The following VPS26A variants were observed in gnomAD, a reference collection of about 807,000 sequenced individuals.
The protein encoded by VPS26A is VPS26 retromer complex component A.
VPS26A carries 22 observed loss-of-function variants against 42.4 expected under a neutral mutation model. The observed-to-expected ratio is 0.52, with a 90% CI of 0.37 to 0.74. The LOEUF (loss-of-function observed/expected upper bound fraction) is 0.74. Among genes scored for constraint, VPS26A ranks in the 30% least tolerant of loss-of-function variants. The probability of loss-of-function intolerance (pLI) is 0.00; values close to 1 mark genes in which losing one functional copy is unlikely to be tolerated. For missense variants in VPS26A, 276 were observed against 379.2 expected (o/e 0.73, Z 2.26); for synonymous variants, 110 against 123.5 (o/e 0.89, Z 0.73).
chr10:69,151,149 C>T (rs11815551), intron 2 of VPS26A, among the ~76,000 whole-genome samples: 6,238 of 151,298 alleles, frequency 0.041, 455 homozygotes, highest in African/African-American at 0.14. Context: ...CTTGTAGTCC[C>T]AGCTACTCGG....
intron 2 of VPS26A, among the ~76,000 whole-genome samples, chr10:69,143,248 C>G (rs12248232): frequency 0.042 from 6,347 of 152,250 alleles, 467 homozygotes; most frequent in African/African-American, 0.14. Flanking sequence ...CTTAACTTTA[C>G]CGCTGTCTTG....
At chr10:69,155,569 G>A (rs1564682765) in intron 2 of VPS26A, among the ~76,000 whole-genome samples, 1 of 152,132 alleles carries the variant, frequency 6.6e-6, no homozygotes, top group Non-Finnish European at 1.5e-5. Context: ...ACCTATTAAG[G>A]ATTCCTTCTT....
rs1006441217 is a variant in VPS26A, at chr10:69,171,499, GCTGC to G, written c.*233_*236del. On this transcript the variant is annotated 3_prime_UTR_variant, in exon 9 of 9. Transcript: ENST00000263559. ...CTTTGAAACACTGGAACTTTGTTAAGCTGCCTTTTTTTTTTTAACTTCCTACTTT... is the reference window on the plus strand; with the variant it reads ...CTTTGAAACACTGGAACTTTGTTAAGCTTTTTTTTTTTAACTTCCTACTTT... 1.0e-4 allele frequency: 37 copies of G among 354,790 alleles called. No homozygotes were observed. Among genetic ancestry groups the G allele is most frequent in the Non-Finnish European group, 1.8e-4 (35 of 199,872 alleles). 22.0% of individuals were successfully genotyped at this position (354,790 alleles called of 1,614,324 possible). A position where few individuals can be genotyped will look rare whatever the true frequency, so the allele number is the denominator to read the frequency against.
intron 1 of VPS26A, among the ~76,000 whole-genome samples, chr10:69,129,393 T>G (rs1221367631): frequency 6.6e-6 from 1 of 152,168 alleles, no homozygotes; most frequent in African/African-American, 2.4e-5. Context: ...CACCTAGGAA[T>G]GGACAGTGTG....
intron 2 of VPS26A, among the ~76,000 whole-genome samples, chr10:69,151,269 A>AAAAAAAAAAAAAAAAC (rs1841302123): frequency 5.7e-5 from 4 of 70,460 alleles, no homozygotes; most frequent in South Asian, 5.0e-4. Flanking sequence ...CATGTCAAAA[A>AAAAAAAAAAAAAAAAC]AAAAAAAAAA....
At chr10:69,158,232 AGTT>A in intron 5 of VPS26A, 21 bp downstream of exon 5, 1 of 1,542,108 alleles carries the variant, frequency 6.5e-7, no homozygotes, top group Non-Finnish European at 8.7e-7. Flanking sequence ...TTCACAGATA[AGTT>A]GTTCAGAGAA....
chr10:69,166,544 G>A (rs960770483), intron 7 of VPS26A, among the ~76,000 whole-genome samples: 1 of 152,156 alleles, frequency 6.6e-6, no homozygotes, highest in Admixed American at 6.6e-5. Context: ...CTGAGACAAT[G>A]AAGCCAGTAT....
At chr10:69,133,582 G>T in intron 2 of VPS26A, 1 of 1,289,676 alleles carries the variant, frequency 7.8e-7, no homozygotes, top group South Asian at 1.2e-5. Flanking sequence ...TGCATGGTCA[G>T]ATATGTTTAT....
intron 1 of VPS26A, among the ~76,000 whole-genome samples, chr10:69,129,957 C>A (rs1199360520): frequency 6.6e-6 from 1 of 152,128 alleles, no homozygotes; most frequent in Non-Finnish European, 1.5e-5. Context: ...TCACCTTGTG[C>A]CCTACATAGC....
chr10:69,157,660 A>G (rs1841463114), intron 4 of VPS26A, among the ~76,000 whole-genome samples: 1 of 152,188 alleles, frequency 6.6e-6, no homozygotes, highest in Non-Finnish European at 1.5e-5. Context: ...ATTTCAGGAT[A>G]TTAATCTGAA....
At chr10:69,127,147 T>C (rs1486894167) in intron 1 of VPS26A, among the ~76,000 whole-genome samples, 1 of 140,672 alleles carries the variant, frequency 7.1e-6, no homozygotes, top group Non-Finnish European at 1.5e-5. Context: ...GGTTTCGCCA[T>C]GTTGGCCAGA....
intron 2 of VPS26A, among the ~76,000 whole-genome samples, chr10:69,154,043 C>T (rs551744820): frequency 2.0e-5 from 3 of 152,256 alleles, no homozygotes; most frequent in East Asian, 1.9e-4. Context: ...AAGTCTAGAC[C>T]CTGGTCATCT....
chr10:69,149,177 G>A (rs1220549513), intron 2 of VPS26A, among the ~76,000 whole-genome samples: 1 of 152,118 alleles, frequency 6.6e-6, no homozygotes, highest in African/African-American at 2.4e-5. Flanking sequence ...CTTTAAATTA[G>A]AGAAACTTGG....
chr10:69,159,574 T>G (rs976311672), intron 5 of VPS26A, among the ~76,000 whole-genome samples: 4 of 152,172 alleles, frequency 2.6e-5, no homozygotes, highest in African/African-American at 9.7e-5. Context: ...ACAGTGGTTA[T>G]CTGTAAAGGA....
intron 6 of VPS26A, among the ~76,000 whole-genome samples, chr10:69,164,862 G>A (rs757949879): frequency 1.3e-5 from 2 of 150,936 alleles, no homozygotes; most frequent in Non-Finnish European, 2.9e-5. Flanking sequence ...ATCTTTTATT[G>A]TTTCATCCCT....
intron 1 of VPS26A, among the ~76,000 whole-genome samples, chr10:69,126,648 T>G (rs1448417740): frequency 6.6e-6 from 1 of 152,152 alleles, no homozygotes; most frequent in Non-Finnish European, 1.5e-5. Flanking sequence ...TTATTCTCTT[T>G]CCTTCTAGTC....
At chr10:69,150,773 T>C (rs1310131384) in intron 2 of VPS26A, among the ~76,000 whole-genome samples, 2 of 152,158 alleles carry the variant, frequency 1.3e-5, no homozygotes, top group African/African-American at 2.4e-5. Flanking sequence ...ACTTACTCTT[T>C]GTTGTGGAAA....
rs1218439458 is a variant in VPS26A at position 69,171,295 on chromosome 10, C to A, written c.*26C>A. 7 of 1,586,460 alleles carry A rather than the reference C, an allele frequency of 4.4e-6. No homozygotes were observed. The highest frequency in any genetic ancestry group is 3.7e-5 in the Admixed American group (2 of 54,644). Reference sequence around the variant, plus strand: ...ACTGAACAGGAGAAAAAAAGAAAAGCAAAAAACTCCTGTAACCCTTGAGAT... The same window carrying A: ...ACTGAACAGGAGAAAAAAAGAAAAGAAAAAAACTCCTGTAACCCTTGAGAT... On this transcript the variant is annotated 3_prime_UTR_variant, in exon 9 of 9. Transcript: ENST00000263559.
At chr10:69,131,193 T>G (rs1840770371) in intron 1 of VPS26A, among the ~76,000 whole-genome samples, 1 of 152,182 alleles carries the variant, frequency 6.6e-6, no homozygotes, top group South Asian at 2.1e-4. Flanking sequence ...TTGGCCAGGC[T>G]TGTCCCGAAC....
Sources: allele counts gnomAD v4.1 joint callset (sites outside exome capture counted in the v4.1 genomes callset), GRCh38; gene constraint gnomAD v4.1.1; transcripts MANE v1.5; gene names NCBI Gene and HGNC (gene_info 2026-07-23, HGNC 2026-07-21).